The following GALNT13 variants were observed in gnomAD, a reference collection of about 807,000 sequenced individuals.
GALNT13 encodes UDP-GalNAc:polypeptide N-acetylgalactosaminyltransferase 13.
A neutral mutation model predicts 64.2 loss-of-function variants in GALNT13; 28 were observed. The observed-to-expected ratio is 0.44, with a 90% CI of 0.32 to 0.60. The LOEUF is 0.60. Ranked by LOEUF, GALNT13 falls within the 20% of genes least tolerant of loss-of-function variation. The probability of loss-of-function intolerance (pLI) is 0.05; values close to 1 mark genes in which losing one functional copy is unlikely to be tolerated. For synonymous variants in GALNT13, 214 were observed against 224.6 expected, an observed-to-expected ratio of 0.95 and a Z score of 0.42; for missense variants, 577 against 669.8, an observed-to-expected ratio of 0.86 and a Z score of 1.53.
chr2:153,803,362 G>T, the GALNT13 span, among the ~76,000 whole-genome samples: 1 of 152,090 alleles, frequency 6.6e-6, no homozygotes, highest in African/African-American at 2.4e-5. Flanking sequence ...GGTCAATAAG[G>T]GTCTGTTCAT....
chr2:154,403,769 G>C (rs1699405099), intron 10 of GALNT13, among the ~76,000 whole-genome samples: 1 of 152,018 alleles, frequency 6.6e-6, no homozygotes, highest in South Asian at 2.1e-4. Context: ...ATAACCTCTG[G>C]TTAGCTCTGT....
chr2:154,242,727 G>C lies in GALNT13; in HGVS notation c.508G>C (p.Val170Leu). Residue 170 changes from valine (V) to leucine (L), a missense_variant, in exon 6 of 13, where the codon GTG becomes CTG. Physicochemically the swap from Val to Leu is conservative, Grantham distance 32 (BLOSUM62 1). Coordinates refer to ENST00000392825, the MANE Select transcript of GALNT13 (RefSeq NM_052917.4). ...TCTCAAGTTGACATTAGAGAATTACGTGAAAAATTTAGAAGTGCCAGTAAA... is the reference window on the plus strand; with the variant it reads ...TCTCAAGTTGACATTAGAGAATTACCTGAAAAATTTAGAAGTGCCAGTAAA... Reference protein sequence around the residue: ...DFLKLTLENYVKNLEVPVKII... With the variant: ...DFLKLTLENYLKNLEVPVKII... 1 of 1,612,716 alleles carries C rather than the reference G, an allele frequency of 6.2e-7. No individual in the cohort carries two copies. The highest frequency in any genetic ancestry group is 8.5e-7 in the Non-Finnish European group (1 of 1,178,768).
the GALNT13 span, among the ~76,000 whole-genome samples, chr2:153,792,840 A>T: frequency 1.3e-5 from 2 of 152,190 alleles, no homozygotes; most frequent in Non-Finnish European, 2.9e-5. Context: ...TCTGCAAAAA[A>T]GTCGTATTAC....
chr2:153,274,010 G>T, the GALNT13 span, among the ~76,000 whole-genome samples: 1 of 152,068 alleles, frequency 6.6e-6, no homozygotes, highest in African/African-American at 2.4e-5. Context: ...AGGTGTCTCT[G>T]GTAATTGACT....
In GALNT13 at chr2:154,298,582, TATAATTTATATATACAATGTATATATTA is replaced by T. The variant is rs1184040034; in HGVS notation, c.976-2824_976-2797del. On this transcript the variant is annotated intron_variant, in intron 8 of 12. Coordinates refer to ENST00000392825, the MANE Select transcript of GALNT13 (RefSeq NM_052917.4). ...ATATAATTTATATATAAATTGTATATATAATTTATATATACAATGTATATATTAATTTATATATACATTGTATATATAA... is the reference window on the plus strand; with the variant it reads ...ATATAATTTATATATAAATTGTATATATTTATATATACATTGTATATATAA... 5.7e-4 allele frequency among the ~76,000 whole-genome samples: 24 copies of T among 42,238 alleles called. 4 individuals are homozygous for T. The highest frequency in any genetic ancestry group is 9.2e-4 in the Non-Finnish European group (21 of 22,818). 27.7% of individuals were successfully genotyped at this position (42,238 alleles called of 152,430 possible).
the GALNT13 span, among the ~76,000 whole-genome samples, chr2:153,852,735 C>A: frequency 6.6e-6 from 1 of 152,166 alleles, no homozygotes; most frequent in Admixed American, 6.5e-5. Flanking sequence ...AACAATGTGG[C>A]AGTTTCTTAA....
At chr2:153,245,706 A>G in the GALNT13 span, among the ~76,000 whole-genome samples, 2 of 152,184 alleles carry the variant, frequency 1.3e-5, no homozygotes, top group Admixed American at 6.5e-5. Flanking sequence ...CAGTGCAAAA[A>G]CACTGAAAAT....
rs1689743258 is a variant in GALNT13 at position 154,245,695 on chromosome 2, G to A, written c.687-117G>A. On this transcript the variant is annotated intron_variant, in intron 6 of 12. Transcript: ENST00000392825. ...CTAATAGGATAAAATGAAGCTAAAGGCATATTAAAGTAACAAAATAATTAA... is the reference window on the plus strand; with the variant it reads ...CTAATAGGATAAAATGAAGCTAAAGACATATTAAAGTAACAAAATAATTAA... The A allele has an allele frequency of 7.9e-6, 5 of 632,878 alleles. No individual in the cohort carries two copies. In the East Asian group the frequency reaches 1.3e-4, roughly 17 times the overall value. 39.2% of individuals were successfully genotyped at this position (632,878 alleles called of 1,614,324 possible). A position where few individuals can be genotyped will look rare whatever the true frequency, so the allele number is the denominator to read the frequency against.
At chr2:153,881,763 C>T (rs1487034450) in intron 1 of GALNT13, among the ~76,000 whole-genome samples, 1 of 152,030 alleles carries the variant, frequency 6.6e-6, no homozygotes, top group Non-Finnish European at 1.5e-5. Flanking sequence ...AATCAGTTTT[C>T]TCATTTTCCA....
At chr2:154,142,854 AT>A (rs1195008037) in intron 4 of GALNT13, among the ~76,000 whole-genome samples, 2 of 151,654 alleles carry the variant, frequency 1.3e-5, no homozygotes, top group Admixed American at 6.6e-5. Context: ...ATATATATAT[AT>A]TTGTTTGTAT....
chr2:153,792,045 T>G, the GALNT13 span, among the ~76,000 whole-genome samples: 4 of 152,114 alleles, frequency 2.6e-5, no homozygotes, highest in African/African-American at 9.7e-5. Context: ...AACGTACACA[T>G]GTACCCCTAA....
the GALNT13 span, among the ~76,000 whole-genome samples, chr2:153,400,667 T>C: frequency 1.3e-5 from 2 of 152,356 alleles, no homozygotes; most frequent in African/African-American, 2.4e-5. Flanking sequence ...AGTGTATTTG[T>C]CGAGGAATTT....
At chr2:153,566,354 T>TTTTTG in the GALNT13 span, among the ~76,000 whole-genome samples, 1 of 80,628 alleles carries the variant, frequency 1.2e-5, no homozygotes, top group African/African-American at 4.8e-5. Flanking sequence ...TCACGTTTTT[T>TTTTTG]TTTTTTTTTT....
At chr2:153,270,520 T>C in the GALNT13 span, among the ~76,000 whole-genome samples, 1 of 152,212 alleles carries the variant, frequency 6.6e-6, no homozygotes, top group African/African-American at 2.4e-5. Context: ...TATCTCTTAG[T>C]CAAAGCTTCT....
At chr2:154,140,269 C>T in intron 3 of GALNT13, 68 bp from the exon 4 acceptor site, 1 of 1,174,204 alleles carries the variant, frequency 8.5e-7, no homozygotes, top group Non-Finnish European at 1.2e-6. Flanking sequence ...ATCAGACACA[C>T]AAGTTTATTT....
chr2:153,230,567 T>A, the GALNT13 span, among the ~76,000 whole-genome samples: 1 of 152,218 alleles, frequency 6.6e-6, no homozygotes, highest in African/African-American at 2.4e-5. Flanking sequence ...TTCTTTTATT[T>A]TGCTCACAAT....
chr2:153,408,664 G>GT, the GALNT13 span, among the ~76,000 whole-genome samples: 6,283 of 135,588 alleles, frequency 0.046, 153 homozygotes, highest in Middle Eastern at 0.071. Context: ...TTTTGTTTTT[G>GT]TTTTTTTTTT....
At chr2:154,063,742 A>C (rs957327112) in intron 3 of GALNT13, among the ~76,000 whole-genome samples, 7 of 152,172 alleles carry the variant, frequency 4.6e-5, no homozygotes, top group Non-Finnish European at 8.8e-5. Flanking sequence ...TGAATATTAA[A>C]TGAGAGGTCT....
chr2:154,330,142 G>A (rs1231836993), intron 9 of GALNT13, among the ~76,000 whole-genome samples: 1 of 152,016 alleles, frequency 6.6e-6, no homozygotes, highest in Non-Finnish European at 1.5e-5. Context: ...CATCCTCAAA[G>A]CAAGGAGACA....
Sources: gnomAD v4.1 joint callset for allele counts (sites outside exome capture counted in the v4.1 genomes callset) on GRCh38, gnomAD v4.1.1 for gene constraint, MANE v1.5 for transcripts, NCBI Gene and HGNC (gene_info 2026-07-23, HGNC 2026-07-21) for gene names.